UBASH3B: variants seen among roughly 807,000 people sequenced by gnomAD.
UBASH3B encodes ubiquitin-associated and SH3 domain-containing protein B.
In UBASH3B, 37 loss-of-function variants were observed where a neutral mutation model predicts 83.4. That is an observed-to-expected ratio of 0.44 (90% confidence interval 0.34 to 0.58). The LOEUF (loss-of-function observed/expected upper bound fraction) is 0.58. Ranked by LOEUF, UBASH3B falls within the 20% of genes least tolerant of loss-of-function variation. UBASH3B has a pLI of 0.01. For synonymous variants in UBASH3B, 304 were observed against 318.3 expected (o/e 0.96, Z 0.48); for missense variants, 657 against 827.2 (o/e 0.79, Z 2.52).
chr11:122,777,954 T>C (rs1295134169), intron 3 of UBASH3B, among the ~76,000 whole-genome samples: 1 of 152,154 alleles, frequency 6.6e-6, no homozygotes, highest in Non-Finnish European at 1.5e-5. Flanking sequence ...GGTCTTGAAC[T>C]CTTCACCTCA....
At position 122,797,179 on chromosome 11, in the gene UBASH3B, C is replaced by A. The variant is rs542863767; in HGVS notation, c.1357+146C>A. The A allele has an allele frequency of 4.3e-6, 5 of 1,170,648 alleles. No individual in the cohort carries two copies. The South Asian group carries it at 6.1e-5, about 14-fold the overall frequency. The allele number at this position is 1,170,648 out of a possible 1,614,324, so 72.5% of individuals were successfully genotyped here. Reference sequence around the variant, plus strand: ...ATTCAAAAGGAACTTACTACACAACCATTAAGTTTAGGACACTGTGCTCAG... The same window carrying A: ...ATTCAAAAGGAACTTACTACACAACAATTAAGTTTAGGACACTGTGCTCAG... On this transcript the variant is annotated intron_variant, in intron 9 of 13. Coordinates refer to ENST00000284273, the MANE Select transcript of UBASH3B (RefSeq NM_032873.5).
rs1861454107 is a variant in UBASH3B, at chr11:122,811,831, G to A, written c.*1945G>A. On this transcript the variant is annotated 3_prime_UTR_variant, in exon 14 of 14. Coordinates refer to ENST00000284273, the MANE Select transcript of UBASH3B (RefSeq NM_032873.5). ...TCTTAAGAGAAAAGTCACATTACAA[G>A]TAATGTAATGGCTCTACCATTCATT... 1 of 152,180 alleles carries A rather than the reference G, an allele frequency of 6.6e-6. No individual in the cohort carries two copies. The allele number at this position is 152,180 out of a possible 1,614,324, so 9.4% of individuals were successfully genotyped here.
chr11:122,788,891 G>A (rs1256130725), intron 5 of UBASH3B, among the ~76,000 whole-genome samples: 1 of 152,174 alleles, frequency 6.6e-6, no homozygotes, highest in Admixed American at 6.5e-5. Flanking sequence ...ACCATTTCTA[G>A]CACCAGGCAT....
chr11:122,776,821 G>A (rs1428602021), intron 2 of UBASH3B, among the ~76,000 whole-genome samples: 1 of 152,172 alleles, frequency 6.6e-6, no homozygotes, highest in Non-Finnish European at 1.5e-5. Context: ...AAAATGACAA[G>A]AAGGAAGACA....
At chr11:122,669,617 T>C (rs1863564183) in intron 1 of UBASH3B, among the ~76,000 whole-genome samples, 1 of 152,194 alleles carries the variant, frequency 6.6e-6, no homozygotes, top group Non-Finnish European at 1.5e-5. Flanking sequence ...GACATTTCTG[T>C]TACTAACTTG....
rs1314952919 is a variant in UBASH3B at position 122,777,129 on chromosome 11, T to C, written c.321T>C (p.Phe107=). 6.2e-7 allele frequency: 1 copy of C among 1,614,140 alleles called. No individual in the cohort carries two copies. The highest frequency in any genetic ancestry group is 2.2e-5 in the East Asian group (1 of 44,874). ...TGPLAQKLSD[F]WQQSKQICGK... Reference sequence around the variant, plus strand: ...CCTTAGCACAGAAGCTTTCCGACTTTTGGCAGCAGTCGAAGCAGATCTGCG... The same window carrying C: ...CCTTAGCACAGAAGCTTTCCGACTTCTGGCAGCAGTCGAAGCAGATCTGCG... The change falls in exon 3 of 14, where the codon TTT becomes TTC. Residue 107 remains phenylalanine (F), a synonymous_variant. Transcript: ENST00000284273.
chr11:122,695,440 C>T (rs374391534), intron 1 of UBASH3B, among the ~76,000 whole-genome samples: 5 of 152,148 alleles, frequency 3.3e-5, no homozygotes, highest in South Asian at 2.1e-4. Flanking sequence ...CATATGCATC[C>T]GGCTCCTCCT....
At chr11:122,744,873 C>CTGTGTGTG (rs544992534) in intron 1 of UBASH3B, among the ~76,000 whole-genome samples, 7,456 of 139,398 alleles carry the variant, frequency 0.053, 217 homozygotes, top group South Asian at 0.11. Flanking sequence ...ATGTGTGACT[C>CTGTGTGTG]TGTGTGTGTG....
Position 122,776,126 on chromosome 11 carries a change from G to C in UBASH3B, c.162-93G>C, listed in dbSNP as rs1003144913. On this transcript the variant is annotated intron_variant, in intron 1 of 13. Coordinates refer to ENST00000284273, the MANE Select transcript of UBASH3B (RefSeq NM_032873.5). ...CCACAGAGGATTGAGTGGAACACAG[G>C]CTTTGATGTCGCCTCCTTCACACTC... The C allele has an allele frequency of 7.7e-6, 9 of 1,165,324 alleles. No homozygotes were observed. In the African/African-American group the frequency reaches 1.2e-4, roughly 16 times the overall value. 72.2% of individuals were successfully genotyped at this position (1,165,324 alleles called of 1,614,324 possible). A position where few individuals can be genotyped will look rare whatever the true frequency, so the allele number is the denominator to read the frequency against.
At chr11:122,788,154 T>A (rs986652019) in intron 5 of UBASH3B, among the ~76,000 whole-genome samples, 5 of 152,262 alleles carry the variant, frequency 3.3e-5, no homozygotes, top group African/African-American at 1.2e-4. Flanking sequence ...TTTCTCCATC[T>A]GATGAAAGCT....
At chr11:122,748,276 T>A (rs993319063) in intron 1 of UBASH3B, among the ~76,000 whole-genome samples, 1 of 152,250 alleles carries the variant, frequency 6.6e-6, no homozygotes, top group Non-Finnish European at 1.5e-5. Context: ...AGCTGCCATC[T>A]TTCTTTCATT....
At chr11:122,685,157 A>G (rs1158865958) in intron 1 of UBASH3B, among the ~76,000 whole-genome samples, 1 of 152,186 alleles carries the variant, frequency 6.6e-6, no homozygotes, top group Non-Finnish European at 1.5e-5. Context: ...CAGCCTCAGA[A>G]TAGGAAAATA....
At chr11:122,717,168 G>T (rs561929452) in intron 1 of UBASH3B, among the ~76,000 whole-genome samples, 1 of 152,266 alleles carries the variant, frequency 6.6e-6, no homozygotes, top group South Asian at 2.1e-4. Flanking sequence ...CTCAAGTTTT[G>T]CCAGACTCCT....
At chr11:122,677,554 T>G (rs1362361072) in intron 1 of UBASH3B, among the ~76,000 whole-genome samples, 1 of 152,216 alleles carries the variant, frequency 6.6e-6, no homozygotes, top group Non-Finnish European at 1.5e-5. Context: ...CAGACTAGAC[T>G]GTGACTCCTT....
chr11:122,705,462 A>T (rs1384534216), intron 1 of UBASH3B, among the ~76,000 whole-genome samples: 3 of 151,878 alleles, frequency 2.0e-5, no homozygotes, highest in Non-Finnish European at 4.4e-5. Flanking sequence ...CATAAAAAAA[A>T]AAAAAAAAAG....
chr11:122,803,855 G>T (rs1306290721), intron 11 of UBASH3B, among the ~76,000 whole-genome samples: 6 of 152,034 alleles, frequency 3.9e-5, no homozygotes, highest in African/African-American at 1.4e-4. Context: ...TGAGTGGGTG[G>T]GGGGAAGGCC....
chr11:122,717,301 C>T (rs1183792135), intron 1 of UBASH3B, among the ~76,000 whole-genome samples: 1 of 152,200 alleles, frequency 6.6e-6, no homozygotes, highest in Non-Finnish European at 1.5e-5. Flanking sequence ...CTGGACTAAC[C>T]GATAGCGGAA....
intron 5 of UBASH3B, among the ~76,000 whole-genome samples, chr11:122,788,179 A>ATGGC (rs1860987478): frequency 6.6e-6 from 1 of 152,244 alleles, no homozygotes; most frequent in East Asian, 1.9e-4. Flanking sequence ...ACATGCTGAC[A>ATGGC]TAGACACTGA....
intron 5 of UBASH3B, 38 bp downstream of exon 5, chr11:122,783,260 A>C: frequency 6.2e-7 from 1 of 1,602,398 alleles, no homozygotes. Context: ...TACCAGGTGC[A>C]GGGATGCAAT....
Sources: gnomAD v4.1 joint callset for allele counts (sites outside exome capture counted in the v4.1 genomes callset) on GRCh38, gnomAD v4.1.1 for gene constraint, MANE v1.5 for transcripts, NCBI Gene and HGNC (gene_info 2026-07-23, HGNC 2026-07-21) for gene names.